Variants in PKP1 observed in about 807,000 individuals in gnomAD.
The protein encoded by PKP1 is plakophilin-1.
In PKP1, 27 loss-of-function variants were observed where a neutral mutation model predicts 76.4. The observed-to-expected ratio is 0.35, with a 90% confidence interval of 0.26 to 0.49. The LOEUF (loss-of-function observed/expected upper bound fraction) is 0.49, where lower values mean the gene tolerates loss of function less well. PKP1 is among the 20% of genes least tolerant of loss of function. The pLI, the probability that PKP1 is intolerant of heterozygous loss-of-function variation, is 0.99. For missense variants in PKP1, 964 were observed against 955.2 expected, an observed-to-expected ratio of 1.01 and a Z score of -0.12; for synonymous variants, 404 against 384.2, an observed-to-expected ratio of 1.05 and a Z score of -0.60.
intron 2 of PKP1, among the ~76,000 whole-genome samples, chr1:201,298,347 G>A (rs549646493): frequency 2.6e-5 from 4 of 152,330 alleles, no homozygotes; most frequent in South Asian, 2.1e-4. Context: ...AAGCTGAGGC[G>A]TGTGGACAAT....
At chr1:201,284,208 C>T (rs1036205569) in intron 1 of PKP1, among the ~76,000 whole-genome samples, 1 of 152,218 alleles carries the variant, frequency 6.6e-6, no homozygotes, top group Admixed American at 6.5e-5. Context: ...TTGAGGATCC[C>T]CCGCGAGCGG....
intron 2 of PKP1, among the ~76,000 whole-genome samples, chr1:201,296,213 G>A (rs947333788): frequency 6.6e-6 from 1 of 152,220 alleles, no homozygotes; most frequent in Non-Finnish European, 1.5e-5. Context: ...AGGAGGCCAA[G>A]TAGGGAGGAA....
chr1:201,289,345 C>G (rs890205516), intron 1 of PKP1, among the ~76,000 whole-genome samples: 1 of 152,142 alleles, frequency 6.6e-6, no homozygotes, highest in African/African-American at 2.4e-5. Flanking sequence ...AATGAGCTTC[C>G]TTTCTCAAGC....
rs1393428124 is a variant in PKP1 at position 201,324,922 on chromosome 1, C to G, written c.1835-19C>G. ...CCCCAGTCATCCTGACCCTGTGCCC[C>G]AACTCGTTCCTCTCCCAGGGAACCA... On this transcript the variant is annotated intron_variant, in intron 10 of 13. Transcript: ENST00000367324. 2 of 1,611,522 alleles carry G rather than the reference C, an allele frequency of 1.2e-6. No individual in the cohort carries two copies. Among genetic ancestry groups the G allele is most frequent in the African/African-American group, 2.7e-5 (2 of 75,006 alleles).
At chr1:201,319,211 A>G (rs762110849) in intron 6 of PKP1, among the ~76,000 whole-genome samples, 1 of 152,222 alleles carries the variant, frequency 6.6e-6, no homozygotes, top group South Asian at 2.1e-4. Flanking sequence ...ACCATTTGCC[A>G]TGTTCATTGG....
intron 1 of PKP1, among the ~76,000 whole-genome samples, chr1:201,285,932 G>A (rs1308935364): frequency 2.0e-5 from 3 of 152,236 alleles, no homozygotes; most frequent in Non-Finnish European, 4.4e-5. Flanking sequence ...AGCCCTGTGG[G>A]CGTGTCCCCT....
intron 2 of PKP1, among the ~76,000 whole-genome samples, chr1:201,295,255 C>T (rs953155812): frequency 2.6e-5 from 4 of 152,058 alleles, no homozygotes; most frequent in African/African-American, 7.2e-5. Context: ...TCTTCCATTC[C>T]TGAGTTCTTT....
chr1:201,304,348 G>A (rs992146038), intron 2 of PKP1, among the ~76,000 whole-genome samples: 98 of 152,318 alleles, frequency 6.4e-4, no homozygotes, highest in African/African-American at 4.1e-4. Context: ...TCAGTGGTGC[G>A]TTTAGAGTAC....
rs1656897687 is a variant in PKP1 at position 201,320,301 on chromosome 1, A to G, written c.1267A>G (p.Met423Val). ...LSSADAGRQT[M>V]RNYSGLIDSL... The stretch of plus-strand genomic sequence containing the variant: ...CTCGGCCGATGCAGGCCGCCAGACC[A>G]TGCGTAACTACTCAGGGCTCATTGA... Residue 423 changes from methionine to valine, a missense_variant, in exon 7 of 14, where the codon ATG becomes GTG. By Grantham distance (21) the Met-to-Val change is conservative (BLOSUM62 1). Coordinates refer to ENST00000367324, the MANE Select transcript of PKP1 (RefSeq NM_001005337.3). 2 of 1,613,622 alleles carry G rather than the reference A, an allele frequency of 1.2e-6. No homozygotes were observed. Among genetic ancestry groups the G allele is most frequent in the East Asian group, 2.2e-5 (1 of 44,872 alleles).
At chr1:201,294,187 G>T (rs1656011482) in intron 2 of PKP1, 142 bp downstream of exon 2, 8 of 702,220 alleles carry the variant, frequency 1.1e-5, no homozygotes, top group Non-Finnish European at 2.1e-5. Context: ...ACTCTGACTA[G>T]GTCTGTTGAC....
chr1:201,306,460 A>G (rs989749899), intron 2 of PKP1, among the ~76,000 whole-genome samples: 4 of 152,242 alleles, frequency 2.6e-5, no homozygotes, highest in Non-Finnish European at 5.9e-5. Flanking sequence ...CTCACTGGAG[A>G]AAGAAGCATC....
intron 2 of PKP1, among the ~76,000 whole-genome samples, chr1:201,300,192 C>T (rs990940808): frequency 2.0e-5 from 3 of 152,212 alleles, no homozygotes; most frequent in Admixed American, 6.5e-5. Context: ...GGCAAGTGAG[C>T]GGGAGCGGGC....
At chr1:201,294,724 A>T (rs1404251464) in intron 2 of PKP1, among the ~76,000 whole-genome samples, 1 of 152,244 alleles carries the variant, frequency 6.6e-6, no homozygotes, top group Non-Finnish European at 1.5e-5. Context: ...ATTAACATGG[A>T]TAGAGGTTAT....
intron 2 of PKP1, among the ~76,000 whole-genome samples, chr1:201,300,286 C>T (rs2102160670): frequency 6.6e-6 from 1 of 152,354 alleles, no homozygotes. Flanking sequence ...GGGACACTCC[C>T]TGTATTAAAC....
At chr1:201,322,466 T>C (rs1356525460) in intron 8 of PKP1, among the ~76,000 whole-genome samples, 2 of 152,182 alleles carry the variant, frequency 1.3e-5, no homozygotes, top group Admixed American at 1.3e-4. Flanking sequence ...CTTGAGGATC[T>C]GAGGAAAGCC....
In PKP1 at chr1:201,316,537, T is replaced by G; in HGVS notation, c.702-16T>G. ...CAGCCCACCCCGTAACCACCCCCAC[T>G]GCCTATTCTTCACAGGATCTGCAGT... is the stretch of plus-strand genomic sequence containing the variant. On this transcript the variant is annotated splice_polypyrimidine_tract_variant and intron_variant, in intron 3 of 13. Transcript: ENST00000367324. 10 of 1,592,822 alleles carry G rather than the reference T, an allele frequency of 6.3e-6. No homozygotes were observed. The highest frequency in any genetic ancestry group is 7.7e-6 in the Non-Finnish European group (9 of 1,168,892).
intron 2 of PKP1, among the ~76,000 whole-genome samples, chr1:201,306,769 G>A (rs952080107): frequency 6.6e-6 from 1 of 152,116 alleles, no homozygotes; most frequent in African/African-American, 2.4e-5. Flanking sequence ...CCACCTTCTG[G>A]GTTCATGCCA....
At chr1:201,309,280 A>C (rs761631296) in intron 2 of PKP1, among the ~76,000 whole-genome samples, 29 of 151,728 alleles carry the variant, frequency 1.9e-4, no homozygotes, top group Middle Eastern at 3.2e-3. Context: ...CTTCTCCAAG[A>C]AGGAAGGGGA....
intron 2 of PKP1, among the ~76,000 whole-genome samples, chr1:201,306,904 T>A (rs1656386994): frequency 6.6e-6 from 1 of 152,110 alleles, no homozygotes; most frequent in Admixed American, 6.6e-5. Flanking sequence ...TCTCCTGACC[T>A]CGTGATCCGC....
Sources: gnomAD v4.1 joint callset for allele counts (sites outside exome capture counted in the v4.1 genomes callset) on GRCh38, gnomAD v4.1.1 for gene constraint, MANE v1.5 for transcripts, NCBI Gene and HGNC (gene_info 2026-07-23, HGNC 2026-07-21) for gene names.